The following OR51E2 variants were observed in gnomAD, a reference collection of about 807,000 sequenced individuals.
OR51E2 encodes the protein olfactory receptor family 51 subfamily E member 2.
A neutral mutation model predicts 13.7 loss-of-function variants in OR51E2; 14 were observed. That is an observed-to-expected ratio of 1.02 (90% CI 0.68 to 1.60). The LOEUF is 1.60. OR51E2 is among the 40% of genes most tolerant of loss of function. The pLI, the probability that OR51E2 is intolerant of heterozygous loss-of-function variation, is 0.00. For missense variants in OR51E2, 483 were observed against 413.8 expected (o/e 1.17, Z -1.45); for synonymous variants, 180 against 157.6 (o/e 1.14, Z -1.07).
rs537787175 is a variant in OR51E2 at position 4,682,191 on chromosome 11, G to A, written c.521C>T (p.Ser174Leu). The A allele has an allele frequency of 8.1e-6, 13 of 1,614,202 alleles. No homozygotes were observed. Among genetic ancestry groups the A allele is most frequent in the Middle Eastern group, 1.6e-4 (1 of 6,062 alleles). ...ATCCTGGTGGACACAATAGGAGTGC[G>A]AGAGGACATTGGAGTGGCAGAAGGC... ...RLAFCHSNVL[S>L]HSYCVHQDVM... The change falls in exon 2 of 2, where the codon TCG (serine) becomes TTG (leucine). Residue 174 changes from serine to leucine, a missense_variant. Ser to Leu is a moderately radical substitution (Grantham distance 145). Transcript: ENST00000396950.
rs898379445 is a variant in OR51E2 at position 4,682,131 on chromosome 11, T to C, written c.581A>G (p.Asn194Ser). ...MKLAYADTLP[N>S]VVYGLTAILL... ...AATGGCAGTAAGACCATATACCACA[T>C]TGGGCAAAGTGTCTGCATAGGCCAA... The change falls in exon 2 of 2, where the codon AAT becomes AGT. Residue 194 changes from asparagine (N) to serine (S), a missense_variant. By Grantham distance (46) the Asn-to-Ser change is conservative. Transcript: ENST00000396950. 14 of 1,614,150 alleles carry C rather than the reference T, an allele frequency of 8.7e-6. No individual in the cohort carries two copies. The highest frequency in any genetic ancestry group is 1.1e-5 in the South Asian group (1 of 91,074).
chr11:4,683,571 G>A (rs1847482529), intron 1 of OR51E2, among the ~76,000 whole-genome samples: 2 of 152,140 alleles, frequency 1.3e-5, no homozygotes, highest in Non-Finnish European at 1.5e-5. Flanking sequence ...GAGTACCTCC[G>A]CACCTGAAAG....
intron 1 of OR51E2, among the ~76,000 whole-genome samples, chr11:4,684,882 C>T (rs1847498007): frequency 6.6e-6 from 1 of 152,270 alleles, no homozygotes; most frequent in South Asian, 2.1e-4. Context: ...TTCATTCTCA[C>T]TTGCCTTTCC....
intron 1 of OR51E2, among the ~76,000 whole-genome samples, chr11:4,694,839 G>A (rs377213974): frequency 6.6e-6 from 1 of 151,922 alleles, no homozygotes; most frequent in Non-Finnish European, 1.5e-5. Flanking sequence ...GAATGTGTCT[G>A]TGTGTGTCAA....
At chr11:4,691,668 A>G (rs557830909) in intron 1 of OR51E2, 12 of 400,894 alleles carry the variant, frequency 3.0e-5, no homozygotes, top group Admixed American at 2.1e-4. Flanking sequence ...CAGGAAAATG[A>G]TGGAAGTGGA....
intron 1 of OR51E2, among the ~76,000 whole-genome samples, chr11:4,688,620 C>A (rs1337985347): frequency 6.6e-6 from 1 of 152,092 alleles, no homozygotes; most frequent in Non-Finnish European, 1.5e-5. Context: ...ACTAATCAGT[C>A]TAACTTCACT....
intron 1 of OR51E2, among the ~76,000 whole-genome samples, chr11:4,687,347 C>T (rs1242458879): frequency 6.6e-6 from 1 of 152,064 alleles, no homozygotes; most frequent in East Asian, 1.9e-4. Flanking sequence ...TTACTCTTAC[C>T]TACATTCATT....
rs191784124 is a variant in OR51E2 at position 4,693,299 on chromosome 11, G to A, written c.-51+4354C>T. Reference sequence around the variant, plus strand: ...AAAACACACTAAAAAGGAATTACCAGAAAGAGAGCATTCAGTAGGTTTGTA... The same window carrying A: ...AAAACACACTAAAAAGGAATTACCAAAAAGAGAGCATTCAGTAGGTTTGTA... On this transcript the variant is annotated intron_variant, in intron 1 of 1. Coordinates refer to ENST00000396950, the MANE Select transcript of OR51E2 (RefSeq NM_030774.4). Among the ~76,000 whole-genome samples the A allele has an allele frequency of 7.3e-4, 111 of 152,334 alleles. 1 individual carries two copies. The highest frequency in any genetic ancestry group is 3.3e-3 in the Admixed American group (50 of 15,300).
chr11:4,697,341 G>T (rs1589876935), intron 1 of OR51E2, among the ~76,000 whole-genome samples: 1 of 152,144 alleles, frequency 6.6e-6, no homozygotes, highest in East Asian at 1.9e-4. Context: ...TTCGAAATTG[G>T]TAACTTTTCA....
At chr11:4,683,088 C>T (rs1847476382) in intron 1 of OR51E2, among the ~76,000 whole-genome samples, 1 of 152,122 alleles carries the variant, frequency 6.6e-6, no homozygotes, top group African/African-American at 2.4e-5. Flanking sequence ...TTTGGGAGCT[C>T]CTTCCAGATA....
intron 1 of OR51E2, among the ~76,000 whole-genome samples, chr11:4,689,752 T>A (rs1267000628): frequency 2.0e-5 from 3 of 152,100 alleles, no homozygotes; most frequent in Admixed American, 6.6e-5. Flanking sequence ...TGGGGCAGAA[T>A]GTTGATGGAG....
intron 1 of OR51E2, among the ~76,000 whole-genome samples, chr11:4,687,246 A>G (rs1185385097): frequency 6.6e-6 from 1 of 152,146 alleles, no homozygotes; most frequent in Non-Finnish European, 1.5e-5. Context: ...AGGGGTACGT[A>G]TTAGGGAATA....
At position 4,682,006 on chromosome 11, in the gene OR51E2, C is replaced by T. The variant is rs367907118; in HGVS notation, c.706G>A (p.Ala236Thr). 2.5e-6 allele frequency: 4 copies of T among 1,614,208 alleles called. No individual in the cohort carries two copies. In the South Asian group the frequency reaches 3.3e-5, roughly 13 times the overall value. The change falls in exon 2 of 2, where the codon GCC becomes ACC. Residue 236 changes from alanine to threonine, a missense_variant. By Grantham distance (58) the Ala-to-Thr change is moderately conservative. Transcript: ENST00000396950. ...ATGTGTGACACACAGGTTCCAAAGGCCTTGGCCCGCTCTGACTTGGAAGGC... is the reference window on the plus strand; with the variant it reads ...ATGTGTGACACACAGGTTCCAAAGGTCTTGGCCCGCTCTGACTTGGAAGGC... The part of the protein sequence containing the change: ...QLPSKSERAK[A>T]FGTCVSHIGV...
Position 4,697,722 on chromosome 11 carries a change from A to G in OR51E2, c.-120T>C, listed in dbSNP as rs1847672451. The G allele has an allele frequency of 6.6e-6, 1 of 152,632 alleles. No homozygotes were observed. The highest frequency in any genetic ancestry group is 2.4e-5 in the African/African-American group (1 of 41,446). 9.5% of individuals were successfully genotyped at this position (152,632 alleles called of 1,614,324 possible). A position where few individuals can be genotyped will look rare whatever the true frequency, so the allele number is the denominator to read the frequency against. On this transcript the variant is annotated 5_prime_UTR_variant, in exon 1 of 2. Coordinates refer to ENST00000396950, the MANE Select transcript of OR51E2 (RefSeq NM_030774.4). Reference sequence around the variant, plus strand: ...GAAGGCTGAGGAGGCTTTAGATTCCAGGGGAGGGCCGAGCTTGCAAATATG... The same window carrying G: ...GAAGGCTGAGGAGGCTTTAGATTCCGGGGGAGGGCCGAGCTTGCAAATATG...
rs558243371 is a variant in OR51E2, at chr11:4,684,048, G to A, written c.-50-1287C>T. Among the ~76,000 whole-genome samples, 5 of 152,314 alleles carry A rather than the reference G, an allele frequency of 3.3e-5. No homozygotes were observed. In the South Asian group the frequency reaches 8.3e-4, roughly 25 times the overall value. ...AGATGCCCTTCAGTTTGGCCTTAAT[G>A]TAGAGGGGTTAGATACCAGTGATCT... On this transcript the variant is annotated intron_variant, in intron 1 of 1. Transcript: ENST00000396950.
chr11:4,693,451 G>T (rs946672215), intron 1 of OR51E2, among the ~76,000 whole-genome samples: 5 of 152,206 alleles, frequency 3.3e-5, no homozygotes, highest in Non-Finnish European at 5.9e-5. Context: ...GCTGGGCGCG[G>T]TGGCTCACGC....
intron 1 of OR51E2, among the ~76,000 whole-genome samples, chr11:4,686,507 G>A (rs1847517149): frequency 6.6e-6 from 1 of 152,162 alleles, no homozygotes; most frequent in African/African-American, 2.4e-5. Context: ...AACTAGACAT[G>A]TGTTTCAGAT....
chr11:4,682,253 G>C lies in OR51E2; in HGVS notation c.459C>G (p.Leu153=), dbSNP rs1468846378. 1 of 1,614,156 alleles carries C rather than the reference G, an allele frequency of 6.2e-7. No individual in the cohort carries two copies. The highest frequency in any genetic ancestry group is 8.5e-7 in the Non-Finnish European group (1 of 1,180,028). ...TCAGCAGAGGCAGTGGGAAAAAAAAGAGGGATCCGCGGACCACAGCCACGA... is the reference window on the plus strand; with the variant it reads ...TCAGCAGAGGCAGTGGGAAAAAAAACAGGGATCCGCGGACCACAGCCACGA... The part of the protein sequence containing the change: ...IGIVAVVRGS[L]FFFPLPLLIK... The change falls in exon 2 of 2, where the codon CTC becomes CTG. Residue 153 remains leucine (L), a synonymous_variant. Transcript: ENST00000396950.
Position 4,682,358 on chromosome 11 carries a change from G to T in OR51E2, c.354C>A (p.Ala118=). 6.2e-7 allele frequency: 1 copy of T among 1,614,200 alleles called. No homozygotes were observed. The highest frequency in any genetic ancestry group is 1.1e-5 in the South Asian group (1 of 91,084). The change falls in exon 2 of 2, where the codon GCC becomes GCA. Residue 118 remains alanine (A), a synonymous_variant. Transcript: ENST00000396950. Reference sequence around the variant, plus strand: ...GGCAGATGGCCACATAACGGTCAAAGGCCATGGCCAGCAGGATGGTGGATT... The same window carrying T: ...GGCAGATGGCCACATAACGGTCAAATGCCATGGCCAGCAGGATGGTGGATT... The part of the protein sequence containing the change: ...AIESTILLAM[A]FDRYVAICHP...
Sources: gnomAD v4.1 joint callset for allele counts (sites outside exome capture counted in the v4.1 genomes callset) on GRCh38, gnomAD v4.1.1 for gene constraint, MANE v1.5 for transcripts, NCBI Gene and HGNC (gene_info 2026-07-23, HGNC 2026-07-21) for gene names.